The following AJAP1 variants were observed in gnomAD, a reference collection of about 807,000 sequenced individuals.
AJAP1 encodes the protein adherens junction-associated protein 1.
A neutral mutation model predicts 35.0 loss-of-function variants in AJAP1; 5 were observed. The observed-to-expected ratio is 0.14, with a 90% confidence interval of 0.07 to 0.30. AJAP1 has a LOEUF of 0.30. AJAP1 is among the 10% of genes least tolerant of loss of function. The pLI, the probability that AJAP1 is intolerant of heterozygous loss-of-function variation, is 1.00. For synonymous variants in AJAP1, 284 were observed against 249.3 expected (o/e 1.14, Z -1.31); for missense variants, 586 against 571.0 (o/e 1.03, Z -0.27).
At chr1:4,706,126 G>GTGGACACGGGTCATTGGGGACCGAGGGT (rs1640095982) in intron 1 of AJAP1, among the ~76,000 whole-genome samples, 1 of 152,186 alleles carries the variant, frequency 6.6e-6, no homozygotes, top group South Asian at 2.1e-4. Context: ...GGACCGAGGG[G>GTGGACACGGGTCATTGGGGACCGAGGGT]TAGACCCTGG....
At chr1:4,731,846 C>T (rs1333569989) in intron 2 of AJAP1, among the ~76,000 whole-genome samples, 2 of 152,250 alleles carry the variant, frequency 1.3e-5, no homozygotes, top group Non-Finnish European at 2.9e-5. Context: ...CGCCCCTGTC[C>T]TTCAGCTCAG....
intron 2 of AJAP1, among the ~76,000 whole-genome samples, chr1:4,719,953 T>C (rs1478165979): frequency 6.6e-6 from 1 of 152,132 alleles, no homozygotes; most frequent in Non-Finnish European, 1.5e-5. Context: ...AATTTTAAGC[T>C]TCCATTTTGT....
intron 1 of AJAP1, among the ~76,000 whole-genome samples, chr1:4,707,076 G>A (rs1640116611): frequency 6.6e-6 from 1 of 152,052 alleles, no homozygotes; most frequent in Admixed American, 6.5e-5. Context: ...CCTGTCTCAC[G>A]TTCAGGGTGT....
At chr1:4,773,345 G>A (rs1641881007) in intron 4 of AJAP1, among the ~76,000 whole-genome samples, 1 of 152,178 alleles carries the variant, frequency 6.6e-6, no homozygotes, top group East Asian at 1.9e-4. Context: ...AGGGCTGGCT[G>A]CATGCTCCCT....
intron 1 of AJAP1, among the ~76,000 whole-genome samples, chr1:4,684,402 C>A (rs564283520): frequency 6.6e-5 from 10 of 152,236 alleles, no homozygotes; most frequent in African/African-American, 2.2e-4. Context: ...TTCTGAGCGC[C>A]TGCTTTCTGA....
At chr1:4,719,182 A>G (rs1640463272) in intron 2 of AJAP1, among the ~76,000 whole-genome samples, 1 of 152,208 alleles carries the variant, frequency 6.6e-6, no homozygotes. Context: ...CTGTGTTACA[A>G]GGACCAGTTT....
intron 1 of AJAP1, among the ~76,000 whole-genome samples, chr1:4,663,120 G>A (rs1570082173): frequency 6.6e-6 from 1 of 152,128 alleles, no homozygotes; most frequent in Non-Finnish European, 1.5e-5. Context: ...GGGCTGAAGG[G>A]CATCATTTTG....
chr1:4,678,389 T>C lies in AJAP1; in HGVS notation c.29+22935T>C, dbSNP rs189959136. Among the ~76,000 whole-genome samples, 6 of 152,328 alleles carry C rather than the reference T, an allele frequency of 3.9e-5. No homozygotes were observed. In the East Asian group the frequency reaches 9.6e-4, roughly 24 times the overall value. ...GGTCAGGAGTCTGGGCACAACTTAG[T>C]TGGGCCCTGTGCAAGGCTGAAACCA... is the stretch of plus-strand genomic sequence containing the variant. On this transcript the variant is annotated intron_variant, in intron 1 of 5. Coordinates refer to ENST00000378191, the MANE Select transcript of AJAP1 (RefSeq NM_018836.4).
chr1:4,777,045 C>A (rs1287979473), intron 5 of AJAP1, among the ~76,000 whole-genome samples: 2 of 152,178 alleles, frequency 1.3e-5, no homozygotes, highest in African/African-American at 4.8e-5. Context: ...GATTCTGTTG[C>A]CGATTGCGGG....
intron 2 of AJAP1, among the ~76,000 whole-genome samples, chr1:4,765,726 A>G (rs1641669248): frequency 6.6e-6 from 1 of 152,240 alleles, no homozygotes; most frequent in African/African-American, 2.4e-5. Flanking sequence ...AAGGAATCAA[A>G]CTGGTACATT....
Position 4,747,367 on chromosome 1 carries a change from G to A in AJAP1, c.830-22486G>A, listed in dbSNP as rs1641212947. Among the ~76,000 whole-genome samples the A allele has an allele frequency of 2.0e-5, 3 of 152,118 alleles. No individual in the cohort carries two copies. The South Asian group carries it at 6.2e-4, about 32-fold the overall frequency. On this transcript the variant is annotated intron_variant, in intron 2 of 5. Coordinates refer to ENST00000378191, the MANE Select transcript of AJAP1 (RefSeq NM_018836.4). ...TCACCCGGCCTCTGTTGCCTCTCCT[G>A]GGGGCCCTCATGTAGCTTCTGTCTC...
chr1:4,711,555 G>T (rs1174511736), intron 1 of AJAP1, among the ~76,000 whole-genome samples: 1 of 152,206 alleles, frequency 6.6e-6, no homozygotes, highest in African/African-American at 2.4e-5. Context: ...AGGTTATCTT[G>T]TCGAGGCTGC....
At chr1:4,768,182 T>C (rs1409787260) in intron 2 of AJAP1, among the ~76,000 whole-genome samples, 1 of 152,204 alleles carries the variant, frequency 6.6e-6, no homozygotes, top group East Asian at 1.9e-4. Context: ...TCAGGGGGCA[T>C]CGGAGCAGCT....
chr1:4,677,379 C>G (rs531762867), intron 1 of AJAP1, among the ~76,000 whole-genome samples: 2 of 152,092 alleles, frequency 1.3e-5, no homozygotes, highest in Admixed American at 6.6e-5. Context: ...CCTGATTCCA[C>G]GAATAGAGAG....
intron 2 of AJAP1, among the ~76,000 whole-genome samples, chr1:4,761,351 G>A (rs1019379516): frequency 3.9e-5 from 6 of 152,176 alleles, no homozygotes; most frequent in African/African-American, 1.4e-4. Flanking sequence ...TCTGAGTCCC[G>A]TCTGTAACAC....
intron 2 of AJAP1, among the ~76,000 whole-genome samples, chr1:4,735,039 CA>C (rs1361505892): frequency 3.9e-5 from 6 of 152,216 alleles, no homozygotes; most frequent in Non-Finnish European, 7.3e-5. Context: ...GCTTTGCTTA[CA>C]CGTATGAGCT....
intron 1 of AJAP1, among the ~76,000 whole-genome samples, chr1:4,684,330 G>A (rs1168444269): frequency 6.6e-6 from 1 of 152,142 alleles, no homozygotes; most frequent in Non-Finnish European, 1.5e-5. Context: ...GGCGGGAGGA[G>A]GAGGCCATGA....
chr1:4,729,926 C>T (rs527290134), intron 2 of AJAP1, among the ~76,000 whole-genome samples: 1 of 152,284 alleles, frequency 6.6e-6, no homozygotes, highest in African/African-American at 2.4e-5. Flanking sequence ...TGCGTGAGGA[C>T]GTTAGCATCT....
rs1364014415 is a variant in AJAP1 at position 4,712,407 on chromosome 1, G to T, written c.537G>T (p.Glu179Asp). The T allele has an allele frequency of 6.3e-7, 1 of 1,591,152 alleles. No individual in the cohort carries two copies. The highest frequency in any genetic ancestry group is 8.6e-7 in the Non-Finnish European group (1 of 1,168,922). ...SRGSRPTTET[E>D]FIAWGPTGDE... ...GCAGCCGGCCCACCACAGAGACTGA[G>T]TTCATCGCCTGGGGGCCCACGGGGG... Residue 179 changes from glutamate (E) to aspartate (D), a missense_variant, in exon 2 of 6, where the codon GAG becomes GAT. Glu to Asp is a conservative substitution (Grantham distance 45). Transcript: ENST00000378191.
Sources: allele counts gnomAD v4.1 joint callset (sites outside exome capture counted in the v4.1 genomes callset), GRCh38; gene constraint gnomAD v4.1.1; transcripts MANE v1.5; gene names NCBI Gene and HGNC (gene_info 2026-07-23, HGNC 2026-07-21).